SLC26A5: variants seen among roughly 807,000 people sequenced by gnomAD.
The protein encoded by SLC26A5 is solute carrier family 26 member 5.
SLC26A5 carries 51 observed loss-of-function variants against 81.0 expected under a neutral mutation model. The observed-to-expected ratio is 0.63, with a 90% CI of 0.50 to 0.80. SLC26A5 has a LOEUF of 0.80. Ranked by LOEUF, SLC26A5 falls within the 30% of genes least tolerant of loss-of-function variation. The pLI, the probability that SLC26A5 is intolerant of heterozygous loss-of-function variation, is 0.00. For synonymous variants in SLC26A5, 325 were observed against 332.8 expected, an observed-to-expected ratio of 0.98 and a Z score of 0.25; for missense variants, 771 against 905.8, an observed-to-expected ratio of 0.85 and a Z score of 1.91.
chr7:103,367,668 G>GTGA lies in SLC26A5; in HGVS notation c.2041+9137_2041+9139dup, dbSNP rs1820784966. The GTGA allele has an allele frequency of 6.2e-7, 1 of 1,608,512 alleles. No individual in the cohort carries two copies. Among genetic ancestry groups the GTGA allele is most frequent in the Non-Finnish European group, 8.5e-7 (1 of 1,177,354 alleles). On this transcript the variant is annotated intron_variant, in intron 19 of 19. Coordinates refer to the SLC26A5 transcript ENST00000339444. The surrounding 1 kb of genome is among the most constrained non-coding windows in gnomAD (Gnocchi z 6.1). ...GGGATTTTTGAAGTTTTTTCTTCCTGTGATTTTTTTCCATTTTAATATTTG... is the reference window on the plus strand; with the variant it reads ...GGGATTTTTGAAGTTTTTTCTTCCTGTGATGATTTTTTTCCATTTTAATATTTG...
intron 14 of SLC26A5, among the ~76,000 whole-genome samples, chr7:103,382,173 C>G (rs1305738096): frequency 2.0e-5 from 3 of 152,096 alleles, no homozygotes; most frequent in Non-Finnish European, 2.9e-5. Context: ...TCTGCTCTAA[C>G]TCTAAAGTAG....
chr7:103,359,470 A>G lies in SLC26A5; in HGVS notation c.2042-6544T>C, dbSNP rs371739170. ...TTTTTGTCACCCCAAAAACAAACCC[A>G]ATACCCATTAGCAGTCTTCATTCCC... On this transcript the variant is annotated intron_variant, in intron 19 of 19. Transcript: ENST00000339444. Among the ~76,000 whole-genome samples the G allele has an allele frequency of 3.3e-5, 5 of 152,070 alleles. No homozygotes were observed. In the East Asian group the frequency reaches 9.6e-4, roughly 29 times the overall value.
chr7:103,356,517 T>A (rs961181668), intron 19 of SLC26A5, among the ~76,000 whole-genome samples: 4 of 152,246 alleles, frequency 2.6e-5, no homozygotes, highest in African/African-American at 9.6e-5. Context: ...TTTCAATTTT[T>A]ACACTTTTGC....
At chr7:103,405,017 G>T (rs183413583) in intron 8 of SLC26A5, among the ~76,000 whole-genome samples, 3 of 152,010 alleles carry the variant, frequency 2.0e-5, no homozygotes, top group Admixed American at 1.3e-4. Context: ...CTTGTGCTGT[G>T]TTTTTCAGCT....
intron 19 of SLC26A5, among the ~76,000 whole-genome samples, chr7:103,374,960 C>G (rs955366523): frequency 1.1e-4 from 17 of 148,508 alleles, no homozygotes; most frequent in Middle Eastern, 3.5e-3. Flanking sequence ...TTCTTATTTC[C>G]CACTTTTCTT....
Position 103,410,559 on chromosome 7 carries a change from T to G in SLC26A5, c.571-10A>C. 1 of 1,602,810 alleles carries G rather than the reference T, an allele frequency of 6.2e-7. No homozygotes were observed. ...AGACACCTAGGCAAAACTATTTTTT[T>G]TTAATGACAAAGAAACAAATGAATC... On this transcript the variant is annotated splice_polypyrimidine_tract_variant and intron_variant, in intron 6 of 19. Coordinates refer to ENST00000306312, the MANE Select transcript of SLC26A5 (RefSeq NM_198999.3).
intron 2 of SLC26A5, among the ~76,000 whole-genome samples, chr7:103,422,512 G>T (rs995467124): frequency 7.2e-5 from 11 of 152,194 alleles, no homozygotes; most frequent in African/African-American, 2.6e-4. Flanking sequence ...ACATATATTT[G>T]TAGTAAAAGT....
chr7:103,370,042 G>A (rs1380692495), downstream of SLC26A5, among the ~76,000 whole-genome samples: 3 of 152,192 alleles, frequency 2.0e-5, no homozygotes, highest in African/African-American at 7.2e-5. Flanking sequence ...TTTTACCGTT[G>A]TGTTGCTGGG....
At chr7:103,373,089 C>T (rs964474232), downstream of SLC26A5, among the ~76,000 whole-genome samples, 45 of 152,282 alleles carry the variant, frequency 3.0e-4, no homozygotes, top group Admixed American at 2.8e-3. Flanking sequence ...AAGAACTAGA[C>T]AACCAACTCA....
rs1325716235 is a variant in SLC26A5 at position 103,428,937 on chromosome 7, T to C, written c.-53-7370A>G. Among the ~76,000 whole-genome samples, 5 of 152,182 alleles carry C rather than the reference T, an allele frequency of 3.3e-5. No homozygotes were observed. The East Asian group carries it at 7.7e-4, about 23-fold the overall frequency. On this transcript the variant is annotated intron_variant, in intron 2 of 19. Transcript: ENST00000306312. ...GGTACTATGCTGTACTGTAGATCTC[T>C]AGGATTTCTCCATCTTGCATAATTT... is the stretch of plus-strand genomic sequence containing the variant.
chr7:103,354,822 T>G, intron 19 of SLC26A5: 1 of 1,202,520 alleles, frequency 8.3e-7, no homozygotes. Flanking sequence ...TTTTAATAAA[T>G]GGTTGATATC....
intron 19 of SLC26A5, among the ~76,000 whole-genome samples, chr7:103,357,512 T>C (rs1820105634): frequency 6.6e-6 from 1 of 152,138 alleles, no homozygotes; most frequent in African/African-American, 2.4e-5. Context: ...ATTTTTTAGT[T>C]TTAGGTATTA....
intron 19 of SLC26A5, chr7:103,362,569 G>A: frequency 7.0e-7 from 1 of 1,423,594 alleles, no homozygotes; most frequent in South Asian, 1.3e-5. Flanking sequence ...TATATAATTA[G>A]GGACTCTGTC....
At chr7:103,412,459 C>A (rs947892530) in intron 5 of SLC26A5, among the ~76,000 whole-genome samples, 3 of 151,922 alleles carry the variant, frequency 2.0e-5, no homozygotes, top group African/African-American at 7.3e-5. Flanking sequence ...CAACAATTGC[C>A]CTTTTACACA....
intron 2 of SLC26A5, among the ~76,000 whole-genome samples, chr7:103,435,707 G>A (rs1826399845): frequency 6.6e-6 from 1 of 152,120 alleles, no homozygotes; most frequent in South Asian, 2.1e-4. Flanking sequence ...CCCCATTGCT[G>A]CTAACTCCAT....
intron 2 of SLC26A5, among the ~76,000 whole-genome samples, chr7:103,425,158 T>C (rs999596696): frequency 1.3e-5 from 2 of 152,182 alleles, no homozygotes; most frequent in African/African-American, 4.8e-5. Context: ...ACTCCCTTAT[T>C]TCTCCTTCTC....
chr7:103,353,130 C>T (rs1819820330), intron 19 of SLC26A5, among the ~76,000 whole-genome samples: 2 of 151,958 alleles, frequency 1.3e-5, no homozygotes, highest in Admixed American at 6.6e-5. Flanking sequence ...AGATAACCAC[C>T]GTAGAACACC....
intron 4 of SLC26A5, among the ~76,000 whole-genome samples, chr7:103,419,093 T>C (rs935570714): frequency 1.3e-5 from 2 of 152,166 alleles, no homozygotes; most frequent in African/African-American, 4.8e-5. Context: ...CTCTCTTGCC[T>C]GCCACCATGT....
At chr7:103,407,820 C>G (rs768086911) in intron 8 of SLC26A5, 31 bp downstream of exon 8, 2 of 1,612,118 alleles carry the variant, frequency 1.2e-6, no homozygotes, top group Non-Finnish European at 1.7e-6. Flanking sequence ...GTTGTAGAAG[C>G]CGAGTAGGTC....
Sources: gnomAD v4.1 joint callset for allele counts (sites outside exome capture counted in the v4.1 genomes callset) on GRCh38, gnomAD v4.1.1 for gene constraint, Gnocchi (gnomAD v3.1) non-coding constraint, MANE v1.5 for transcripts, NCBI Gene and HGNC (gene_info 2026-07-23, HGNC 2026-07-21) for gene names.